Variants in SLC4A9 observed in about 807,000 individuals in gnomAD.
The protein encoded by SLC4A9 is anion exchange protein 4.
In SLC4A9, 102 loss-of-function variants were observed where a neutral mutation model predicts 103.2. The observed-to-expected ratio is 0.99, with a 90% CI of 0.84 to 1.17. The LOEUF is 1.17. SLC4A9 is among the 50% of genes most tolerant of loss of function. The pLI is 0.00. For missense variants in SLC4A9, 1,091 were observed against 1,193.7 expected, an observed-to-expected ratio of 0.91 and a Z score of 1.27; for synonymous variants, 453 against 483.6, an observed-to-expected ratio of 0.94 and a Z score of 0.83.
In SLC4A9 at chr5:140,367,566, G is replaced by A. The variant is rs756384766; in HGVS notation, c.2160G>A (p.Met720Ile). 1.9e-6 allele frequency: 3 copies of A among 1,603,878 alleles called. No individual in the cohort carries two copies. In the East Asian group the frequency reaches 6.8e-5, roughly 36 times the overall value. ...QQITAVILNR[M>I]EYRLQKGAGF... ...TCACAGCAGTCATCCTCAACCGCAT[G>A]GAATACAGACTGCAGGTAAGGCCTG... The change falls in exon 15 of 22, where the codon ATG (methionine) becomes ATA (isoleucine). Residue 720 changes from methionine to isoleucine, a missense_variant. Transcript: ENST00000506757.
Position 140,362,561 on chromosome 5 carries a change from C to T in SLC4A9, c.807+29C>T, listed in dbSNP as rs114286458. On this transcript the variant is annotated intron_variant, in intron 6 of 21. Coordinates refer to ENST00000506757, the MANE Select transcript of SLC4A9 (RefSeq NM_031467.3). ...AGCTGAGCAGGTGTGTGTGTGTGCG[C>T]GCGCACGCGTGCATGCCTGTGTGTG... is the stretch of plus-strand genomic sequence containing the variant. 795 of 1,601,294 alleles carry T rather than the reference C, an allele frequency of 5.0e-4. 6 individuals are homozygous for T. In the African/African-American group the frequency reaches 9.5e-3, roughly 19 times the overall value.
intron 17 of SLC4A9, among the ~76,000 whole-genome samples, chr5:140,370,330 G>C (rs1218658631): frequency 6.6e-6 from 1 of 151,518 alleles, no homozygotes; most frequent in Non-Finnish European, 1.5e-5. Flanking sequence ...TGGGCGTGGT[G>C]GGGGGTGCCT....
chr5:140,360,300 T>C lies in SLC4A9; in HGVS notation c.64T>C (p.Ser22Pro). ...EASSAPRNIP[S>P]GELDSNPDPG... ...CTCCAGTGCTCCTAGAAATATTCCT[T>C]CAGGGGAGCTGGACAGCAACCCTGA... is the stretch of plus-strand genomic sequence containing the variant. The change falls in exon 1 of 22, where the codon TCA (serine) becomes CCA (proline). Residue 22 changes from serine to proline, a missense_variant. By Grantham distance (74) the Ser-to-Pro change is moderately conservative. Coordinates refer to ENST00000506757, the MANE Select transcript of SLC4A9 (RefSeq NM_031467.3). 1 of 1,612,328 alleles carries C rather than the reference T, an allele frequency of 6.2e-7. No individual in the cohort carries two copies. The highest frequency in any genetic ancestry group is 8.5e-7 in the Non-Finnish European group (1 of 1,179,234).
Position 140,371,619 on chromosome 5 carries a change from C to T in SLC4A9, c.2665C>T (p.Leu889Phe), listed in dbSNP as rs946360135. The change falls in exon 19 of 22, where the codon CTC (leucine) becomes TTC (phenylalanine). Residue 889 changes from leucine to phenylalanine, a missense_variant. Coordinates refer to ENST00000506757, the MANE Select transcript of SLC4A9 (RefSeq NM_031467.3). The part of the protein sequence containing the change: ...KSTPAAIIFP[L>F]MLLGLVGVRK... ...TACCCCTGCAGCCATCATCTTCCCCCTCATGGTAAGCTGAGGCAGGGTTGG... is the reference window on the plus strand; with the variant it reads ...TACCCCTGCAGCCATCATCTTCCCCTTCATGGTAAGCTGAGGCAGGGTTGG... 1 of 1,614,052 alleles carries T rather than the reference C, an allele frequency of 6.2e-7. No homozygotes were observed. Among genetic ancestry groups the T allele is most frequent in the Non-Finnish European group, 8.5e-7 (1 of 1,179,888 alleles).
intron 19 of SLC4A9, 67 bp downstream of exon 19, chr5:140,371,691 C>A: frequency 6.4e-7 from 1 of 1,550,434 alleles, no homozygotes. Flanking sequence ...GGAAGGGTGG[C>A]CAAGGCCTCC....
rs1767486785 is a variant in SLC4A9, at chr5:140,363,847, T to A, written c.1199T>A (p.Val400Asp). The A allele has an allele frequency of 1.9e-6, 3 of 1,613,884 alleles. No individual in the cohort carries two copies. Among genetic ancestry groups the A allele is most frequent in the Non-Finnish European group, 2.5e-6 (3 of 1,179,880 alleles). Residue 400 changes from valine (V) to aspartate (D), a missense_variant, in exon 9 of 22, where the codon GTC (valine) becomes GAC (aspartate). Physicochemically the swap from Val to Asp is radical, Grantham distance 152. Transcript: ENST00000506757. This position sits in a 1 kb window ranked among gnomAD's most constrained non-coding sequence, Gnocchi z 4.5. ...SAVLYIYLAT[V>D]TNAITFGGLL... ...GTACTCTACATTTACCTGGCCACTG[T>A]CACTAATGCCATCACTTTTGGGGGT...
intron 3 of SLC4A9, 111 bp downstream of exon 3, chr5:140,361,478 C>A (rs1767077025): frequency 1.2e-6 from 1 of 865,864 alleles, no homozygotes; most frequent in Non-Finnish European, 1.8e-6. Context: ...AGGCTCCAAC[C>A]CAGGACTCAT....
rs201600332 is a variant in SLC4A9, at chr5:140,372,329, G to C, written c.2758G>C (p.Glu920Gln). 7.9e-5 allele frequency: 128 copies of C among 1,610,228 alleles called. No homozygotes were observed. The African/African-American group carries it at 1.6e-3, about 21-fold the overall frequency. The change falls in exon 20 of 22, where the codon GAG (glutamate) becomes CAG (glutamine). Residue 920 changes from glutamate (E) to glutamine (Q), a missense_variant. Physicochemically the swap from Glu to Gln is conservative, Grantham distance 29 (BLOSUM62 2). Coordinates refer to ENST00000506757, the MANE Select transcript of SLC4A9 (RefSeq NM_031467.3). ...CTGGCTGGATGAGCTGATGCCAGAG[G>C]AGGAGAGAAGCATCCCTGAGAAGGG... ...LLWLDELMPE[E>Q]ERSIPEKGLE...
chr5:140,365,411 C>G, intron 11 of SLC4A9, 109 bp from the exon 12 acceptor site: 1 of 883,754 alleles, frequency 1.1e-6, no homozygotes, highest in Non-Finnish European at 1.8e-6. Flanking sequence ...ACAGATGAGT[C>G]ACAATTAAGA....
At chr5:140,370,547 TAAAAG>T (rs1403425786) in intron 17 of SLC4A9, among the ~76,000 whole-genome samples, 2 of 149,498 alleles carry the variant, frequency 1.3e-5, no homozygotes, top group Non-Finnish European at 3.0e-5. Context: ...CTGTGAAAAA[TAAAAG>T]AAGATAAGAT....
chr5:140,362,350 T>C (rs1353076057), intron 5 of SLC4A9, 95 bp from the exon 6 acceptor site: 3 of 1,339,814 alleles, frequency 2.2e-6, no homozygotes, highest in Non-Finnish European at 3.2e-6. Context: ...TGAGTGTGTT[T>C]ATGGGAGCTG....
chr5:140,373,474 T>C (rs563831660), intron 21 of SLC4A9, among the ~76,000 whole-genome samples: 144 of 152,222 alleles, frequency 9.5e-4, no homozygotes, highest in African/African-American at 3.4e-3. Flanking sequence ...ACAGGGGCCA[T>C]GGGAGCAGGG....
At chr5:140,367,947 G>C in intron 16 of SLC4A9, 49 bp downstream of exon 16, 1 of 1,596,048 alleles carries the variant, frequency 6.3e-7, no homozygotes, top group Non-Finnish European at 8.6e-7. Flanking sequence ...AGCAAGGTAA[G>C]GCAAAGGGGA....
In SLC4A9 at chr5:140,371,447, C is replaced by T. The variant is rs1383720809; in HGVS notation, c.2497-4C>T. 1.2e-6 allele frequency: 2 copies of T among 1,613,846 alleles called. No individual in the cohort carries two copies. Among genetic ancestry groups the T allele is most frequent in the African/African-American group, 1.3e-5 (1 of 74,914 alleles). ...CTGCTTTCCTCTTCCTCTTGTTCCC[C>T]TAGTTCACTAATAGGGTGAAGCTGT... On this transcript the variant is annotated splice_polypyrimidine_tract_variant and splice_region_variant and intron_variant, in intron 18 of 21. Coordinates refer to ENST00000506757, the MANE Select transcript of SLC4A9 (RefSeq NM_031467.3).
intron 17 of SLC4A9, among the ~76,000 whole-genome samples, chr5:140,370,188 G>T (rs940120519): frequency 2.0e-5 from 3 of 152,068 alleles, no homozygotes; most frequent in Non-Finnish European, 4.4e-5. Flanking sequence ...AAGAAGCCAG[G>T]CACGGTGGCT....
intron 16 of SLC4A9, 122 bp downstream of exon 16, chr5:140,368,020 C>A: frequency 1.0e-6 from 1 of 1,001,692 alleles, no homozygotes; most frequent in Non-Finnish European, 1.5e-6. Flanking sequence ...ATTGCAGTGG[C>A]AGAATGAGTG....
rs367876526 is a variant in SLC4A9 at position 140,368,614 on chromosome 5, G to A, written c.2382G>A (p.Val794=). The A allele has an allele frequency of 1.8e-4, 286 of 1,613,268 alleles. No individual in the cohort carries two copies. The highest frequency in any genetic ancestry group is 2.3e-4 in the Non-Finnish European group (277 of 1,179,780). Reference sequence around the variant, plus strand: ...AACAGAGGCTGACAGGCCTGGTGGTGTTCATCCTTACAGGAGCCTCCATCT... The same window carrying A: ...AACAGAGGCTGACAGGCCTGGTGGTATTCATCCTTACAGGAGCCTCCATCT... The part of the protein sequence containing the change: ...IREQRLTGLV[V]FILTGASIFL... The change falls in exon 17 of 22, where the codon GTG becomes GTA. Residue 794 remains valine, a synonymous_variant. Coordinates refer to ENST00000506757, the MANE Select transcript of SLC4A9 (RefSeq NM_031467.3).
intron 21 of SLC4A9, among the ~76,000 whole-genome samples, chr5:140,374,188 CA>C (rs1334692171): frequency 3.5e-4 from 49 of 141,566 alleles, no homozygotes; most frequent in Admixed American, 7.8e-4. Flanking sequence ...GACTCCGTCT[CA>C]AAAAAAAAAT....
At chr5:140,362,887 AC>A in intron 6 of SLC4A9, 24 bp from the exon 7 acceptor site, 1 of 1,613,902 alleles carries the variant, frequency 6.2e-7, no homozygotes, top group Non-Finnish European at 8.5e-7. Context: ...TGCACTTACC[AC>A]CCATTCTGTG....
Sources: gnomAD v4.1 joint callset for allele counts (sites outside exome capture counted in the v4.1 genomes callset) on GRCh38, gnomAD v4.1.1 for gene constraint, Gnocchi (gnomAD v3.1) non-coding constraint, MANE v1.5 for transcripts, NCBI Gene and HGNC (gene_info 2026-07-23, HGNC 2026-07-21) for gene names.